Variants in USP34 observed in about 807,000 individuals in gnomAD.
USP34 encodes ubiquitin specific peptidase 34, also known as ubiquitin carboxyl-terminal hydrolase 34.
USP34 carries 70 observed loss-of-function variants against 460.3 expected under a neutral mutation model. The ratio of observed to expected loss-of-function variants is 0.15; its 90% CI spans 0.13 to 0.19. The LOEUF (loss-of-function observed/expected upper bound fraction) is 0.19, where lower values mean the gene tolerates loss of function less well. Among genes scored for constraint, USP34 ranks in the 10% least tolerant of loss-of-function variants. The pLI is 1.00. For missense variants in USP34, 3,985 were observed against 4,236.2 expected (o/e 0.94, Z 1.65); for synonymous variants, 1,647 against 1,405.3 (o/e 1.17, Z -3.85).
intron 6 of USP34, among the ~76,000 whole-genome samples, chr2:61,381,298 C>T (rs909912076): frequency 2.2e-4 from 33 of 151,102 alleles, no homozygotes; most frequent in African/African-American, 8.0e-4. Context: ...AACTACCTAG[C>T]TAACCAGAGA....
rs1690840096 is a variant in USP34 at position 61,319,187 on chromosome 2, G to C, written c.3154C>G (p.Leu1052Val). The C allele has an allele frequency of 2.6e-6, 4 of 1,557,928 alleles. No homozygotes were observed. The highest frequency in any genetic ancestry group is 1.4e-5 in the African/African-American group (1 of 71,528). ...AATGTAATTACCTTCTCCAGGAAAA[G>C]ATGTTTGTAGGTTTCCATACCCATA... is the stretch of plus-strand genomic sequence containing the variant. Reference protein sequence around the residue: ...HAMGMETYKHLFLEKMPQLKP... With the variant: ...HAMGMETYKHVFLEKMPQLKP... Residue 1052 changes from leucine to valine, a missense_variant, in exon 22 of 80, where the codon CTT (leucine) becomes GTT (valine). Around this residue, in one of 14 missense-constraint regions of USP34, gnomAD observed 1,114 missense variants for 1,122.5 expected, o/e 0.99. Transcript: ENST00000398571.
intron 75 of USP34, among the ~76,000 whole-genome samples, chr2:61,202,878 G>C (rs890913469): frequency 2.0e-5 from 3 of 151,950 alleles, no homozygotes; most frequent in Non-Finnish European, 2.9e-5. Context: ...TGGAGGATGT[G>C]GGCTTCTATG....
intron 74 of USP34, among the ~76,000 whole-genome samples, chr2:61,203,581 T>C (rs912368769): frequency 6.6e-5 from 10 of 152,252 alleles, no homozygotes; most frequent in South Asian, 2.1e-4. Flanking sequence ...ACTTTTGAAA[T>C]AGATTCCAAG....
intron 5 of USP34, among the ~76,000 whole-genome samples, chr2:61,390,714 A>G (rs764821756): frequency 1.3e-5 from 2 of 152,120 alleles, no homozygotes; most frequent in Non-Finnish European, 2.9e-5. Context: ...TAAGGTAAGA[A>G]TTTCCTTTCT....
chr2:61,373,830 G>A (rs1044491324), intron 8 of USP34, among the ~76,000 whole-genome samples: 2 of 151,998 alleles, frequency 1.3e-5, no homozygotes, highest in African/African-American at 4.8e-5. Flanking sequence ...CTCTCATACT[G>A]GTTGACTCTA....
chr2:61,326,839 A>G (rs1572937766), intron 20 of USP34, among the ~76,000 whole-genome samples: 1 of 141,202 alleles, frequency 7.1e-6, no homozygotes, highest in Non-Finnish European at 1.5e-5. Flanking sequence ...GTTGGAGTGC[A>G]GTAGCGTGAT....
At chr2:61,399,248 C>T (rs536135843) in intron 3 of USP34, among the ~76,000 whole-genome samples, 3 of 151,618 alleles carry the variant, frequency 2.0e-5, no homozygotes, top group African/African-American at 7.3e-5. Context: ...TTTCAGCCTC[C>T]TGAGAATTGC....
chr2:61,371,050 A>G (rs1433886663), intron 8 of USP34, among the ~76,000 whole-genome samples: 2 of 152,214 alleles, frequency 1.3e-5, no homozygotes, highest in African/African-American at 4.8e-5. Context: ...TGAAGATTCA[A>G]TAGATGAAAA....
intron 16 of USP34, among the ~76,000 whole-genome samples, chr2:61,342,510 C>T (rs1485384505): frequency 1.3e-5 from 2 of 151,560 alleles, no homozygotes; most frequent in African/African-American, 4.9e-5. Context: ...TGGGGTTTCA[C>T]CACGTTGGCT....
chr2:61,372,524 G>T (rs1274832546), intron 8 of USP34, among the ~76,000 whole-genome samples: 1 of 152,150 alleles, frequency 6.6e-6, no homozygotes. Flanking sequence ...GAGCCTAGGA[G>T]TTCCAGGCCA....
At chr2:61,396,612 C>T (rs1014651327) in intron 3 of USP34, among the ~76,000 whole-genome samples, 3 of 151,956 alleles carry the variant, frequency 2.0e-5, no homozygotes, top group Non-Finnish European at 4.4e-5. Context: ...CCTCAGCCTC[C>T]AGAGTAGCCG....
intron 1 of USP34, among the ~76,000 whole-genome samples, chr2:61,463,038 G>C (rs1471507725): frequency 6.6e-6 from 1 of 151,488 alleles, no homozygotes; most frequent in Non-Finnish European, 1.5e-5. Flanking sequence ...TCCAAAGGGG[G>C]GAAAAAAATT....
chr2:61,422,716 G>T (rs148873301), intron 1 of USP34, among the ~76,000 whole-genome samples: 2 of 152,184 alleles, frequency 1.3e-5, no homozygotes, highest in African/African-American at 4.8e-5. Context: ...GATTACACAA[G>T]AAGAACTGTT....
In USP34 at chr2:61,348,489, T is replaced by C. The variant is rs771773360; in HGVS notation, c.1675-9A>G. ...CTTCCCTGCATGGATTCCTGTATTT[T>C]GAAACAAATAGATTTAAATAAATAT... On this transcript the variant is annotated splice_polypyrimidine_tract_variant and intron_variant, in intron 14 of 79. Transcript: ENST00000398571. The C allele has an allele frequency of 1.9e-6, 3 of 1,601,978 alleles. No individual in the cohort carries two copies. The highest frequency in any genetic ancestry group is 2.6e-6 in the Non-Finnish European group (3 of 1,174,502).
At chr2:61,284,443 T>C (rs1049223720) in intron 35 of USP34, among the ~76,000 whole-genome samples, 1 of 152,122 alleles carries the variant, frequency 6.6e-6, no homozygotes, top group African/African-American at 2.4e-5. Context: ...TGCAATACAT[T>C]TAGTTGATCC....
intron 2 of USP34, among the ~76,000 whole-genome samples, chr2:61,420,343 G>T (rs1238458439): frequency 1.3e-5 from 2 of 151,968 alleles, no homozygotes; most frequent in Non-Finnish European, 2.9e-5. Flanking sequence ...TTTAGAAATT[G>T]GTCTAATACA....
chr2:61,445,681 A>T (rs965166645), intron 1 of USP34, among the ~76,000 whole-genome samples: 1 of 150,576 alleles, frequency 6.6e-6, no homozygotes, highest in African/African-American at 2.4e-5. Flanking sequence ...CTTACAGGCC[A>T]GGCACAGTGG....
chr2:61,370,600 T>C, intron 8 of USP34, 21 bp from the exon 9 acceptor site: 15 of 1,598,920 alleles, frequency 9.4e-6, no homozygotes, highest in Non-Finnish European at 1.2e-5. Context: ...GCAATGAAAA[T>C]AGTACATTAA....
At chr2:61,197,692 G>A (rs1211681025) in intron 75 of USP34, among the ~76,000 whole-genome samples, 1 of 152,040 alleles carries the variant, frequency 6.6e-6, no homozygotes, top group Non-Finnish European at 1.5e-5. Flanking sequence ...TGAACTCCTG[G>A]GCTCAAGTGA....
Sources: allele counts gnomAD v4.1 joint callset (sites outside exome capture counted in the v4.1 genomes callset), GRCh38; gene constraint gnomAD v4.1.1; regional missense constraint gnomAD v4.1.1; transcripts MANE v1.5; gene names NCBI Gene and HGNC (gene_info 2026-07-23, HGNC 2026-07-21).